Variants in MRPS7 observed in about 807,000 individuals in gnomAD.
MRPS7 encodes small ribosomal subunit protein uS7m.
MRPS7 carries 13 observed loss-of-function variants against 26.2 expected under a neutral mutation model. That is an observed-to-expected ratio of 0.50 (90% CI 0.32 to 0.79). The LOEUF (loss-of-function observed/expected upper bound fraction) is 0.79, where lower values mean the gene tolerates loss of function less well. MRPS7 is among the 30% of genes least tolerant of loss of function. The pLI is 0.03. For missense variants in MRPS7, 318 were observed against 312.2 expected (o/e 1.02, Z -0.14); for synonymous variants, 129 against 113.3 (o/e 1.14, Z -0.88).
rs2145629998 is a variant in MRPS7, at chr17:75,261,887, C to T, written c.-14C>T. 1 of 1,606,956 alleles carries T rather than the reference C, an allele frequency of 6.2e-7. No individual in the cohort carries two copies. The highest frequency in any genetic ancestry group is 8.5e-7 in the Non-Finnish European group (1 of 1,179,258). On this transcript the variant is annotated 5_prime_UTR_variant, in exon 1 of 5. Transcript: ENST00000245539. ...CCGAGGGCAGTCCTTGTGGGGTCCT[C>T]GTGGCCAGCCAAGATGGCTGCCCCC...
intron 4 of MRPS7, 133 bp from the exon 5 acceptor site, chr17:75,265,569 G>A (rs985587909): frequency 2.8e-6 from 2 of 722,266 alleles, no homozygotes; most frequent in African/African-American, 3.6e-5. Flanking sequence ...AGAAAAGACA[G>A]GCCCTTCTCC....
chr17:75,266,148 G>A lies in MRPS7; in HGVS notation c.*225G>A. ...TTGTAAAGAGGGAGCACATTGACTT[G>A]GGAATTTCCTCCAGGAAACTCAGGG... On this transcript the variant is annotated 3_prime_UTR_variant, in exon 5 of 5. Transcript: ENST00000245539. The A allele has an allele frequency of 1.8e-6, 1 of 567,188 alleles. No homozygotes were observed. Among genetic ancestry groups the A allele is most frequent in the Middle Eastern group, 4.7e-4 (1 of 2,108 alleles). The allele number at this position is 567,188 out of a possible 1,614,324, so 35.1% of individuals were successfully genotyped here. A position where few individuals can be genotyped will look rare whatever the true frequency, so the allele number is the denominator to read the frequency against.
chr17:75,262,013 G>T, intron 1 of MRPS7, 30 bp downstream of exon 1: 2 of 1,599,992 alleles, frequency 1.3e-6, no homozygotes, highest in Non-Finnish European at 1.7e-6. Flanking sequence ...CGGCGGGGGG[G>T]CGCTGCGAGG....
rs200580965 is a variant in MRPS7, at chr17:75,265,769, G to A, written c.575G>A (p.Arg192Gln). 2.8e-5 allele frequency: 45 copies of A among 1,614,154 alleles called. 1 individual carries two copies. The highest frequency in any genetic ancestry group is 6.7e-5 in the East Asian group (3 of 44,896). Residue 192 changes from arginine (R) to glutamine (Q), a missense_variant, in exon 5 of 5, where the codon CGG (arginine) becomes CAG (glutamine). Coordinates refer to ENST00000245539, the MANE Select transcript of MRPS7 (RefSeq NM_015971.4). ...LAMKWMITEC[R>Q]DKKHQRTLMP... is the part of the protein sequence containing the mutation. ...ATGAAGTGGATGATCACTGAGTGCCGGGATAAAAAGCACCAGCGGACACTG... is the reference window on the plus strand; with the variant it reads ...ATGAAGTGGATGATCACTGAGTGCCAGGATAAAAAGCACCAGCGGACACTG...
chr17:75,263,669 C>T, intron 4 of MRPS7, 162 bp downstream of exon 4: 1 of 935,200 alleles, frequency 1.1e-6, no homozygotes, highest in Non-Finnish European at 1.6e-6. Flanking sequence ...AGCTTGAGCT[C>T]AGGAGTTAAG....
chr17:75,263,722 A>C, intron 4 of MRPS7: 1 of 609,202 alleles, frequency 1.6e-6, no homozygotes. Flanking sequence ...CTACAAAAAA[A>C]ACAAAAAAAT....
At position 75,265,972 on chromosome 17, in the gene MRPS7, C is replaced by A; in HGVS notation, c.*49C>A. 6.4e-7 allele frequency: 1 copy of A among 1,558,078 alleles called. No individual in the cohort carries two copies. ...CCTCTGCCGCAAGAAACAGTGTGAGCTACTGCCACGCTGAAAACTACCTGT... is the reference window on the plus strand; with the variant it reads ...CCTCTGCCGCAAGAAACAGTGTGAGATACTGCCACGCTGAAAACTACCTGT... On this transcript the variant is annotated 3_prime_UTR_variant, in exon 5 of 5. Coordinates refer to ENST00000245539, the MANE Select transcript of MRPS7 (RefSeq NM_015971.4).
intron 1 of MRPS7, 186 bp from the exon 2 acceptor site, chr17:75,262,311 C>T (rs781171811): frequency 6.9e-6 from 5 of 728,856 alleles, no homozygotes; most frequent in Non-Finnish European, 1.1e-5. Context: ...GGAGACTTTA[C>T]CCGCCTGCTT....
At chr17:75,262,978 C>G in intron 3 of MRPS7, 111 bp downstream of exon 3, 1 of 1,067,806 alleles carries the variant, frequency 9.4e-7, no homozygotes, top group Non-Finnish European at 1.4e-6. Flanking sequence ...ATCTATTATT[C>G]AGATTAACTT....
chr17:75,262,967 T>C, intron 3 of MRPS7, 100 bp downstream of exon 3: 1 of 1,181,350 alleles, frequency 8.5e-7, no homozygotes, highest in East Asian at 2.5e-5. Flanking sequence ...TGGATTCATG[T>C]ATCTATTATT....
rs2077478799 is a variant in MRPS7, at chr17:75,266,145, C to T, written c.*222C>T. On this transcript the variant is annotated 3_prime_UTR_variant, in exon 5 of 5. Coordinates refer to ENST00000245539, the MANE Select transcript of MRPS7 (RefSeq NM_015971.4). ...TCCTTGTAAAGAGGGAGCACATTGA[C>T]TTGGGAATTTCCTCCAGGAAACTCA... 1.8e-6 allele frequency: 1 copy of T among 571,394 alleles called. No individual in the cohort carries two copies. Among genetic ancestry groups the T allele is most frequent in the South Asian group, 2.1e-5 (1 of 47,814 alleles). 35.4% of individuals were successfully genotyped at this position (571,394 alleles called of 1,614,324 possible).
At chr17:75,263,013 G>A (rs1014343899) in intron 3 of MRPS7, 146 bp downstream of exon 3, 5 of 776,310 alleles carry the variant, frequency 6.4e-6, no homozygotes, top group Non-Finnish European at 1.0e-5. Flanking sequence ...GGGCTTTAAT[G>A]AAGCCCTGTA....
intron 4 of MRPS7, chr17:75,264,129 A>G (rs2077450226): frequency 6.7e-6 from 1 of 149,876 alleles, no homozygotes; most frequent in Non-Finnish European, 1.5e-5. Context: ...AGCCGAGAGC[A>G]CACCACCGCA....
At chr17:75,265,170 C>G (rs1488767649) in intron 4 of MRPS7, among the ~76,000 whole-genome samples, 3 of 151,722 alleles carry the variant, frequency 2.0e-5, no homozygotes, top group Non-Finnish European at 4.4e-5. Flanking sequence ...TCCCAAGTAG[C>G]TGGGATTACA....
intron 4 of MRPS7, among the ~76,000 whole-genome samples, chr17:75,264,690 G>C (rs74322190): frequency 2.1e-5 from 2 of 96,464 alleles, no homozygotes; most frequent in African/African-American, 4.3e-5. Context: ...TTTTTTTTTT[G>C]AGATGGAGTT....
Position 75,262,544 on chromosome 17 carries a change from C to G in MRPS7, c.131C>G (p.Pro44Arg). 1 of 1,614,156 alleles carries G rather than the reference C, an allele frequency of 6.2e-7. No homozygotes were observed. Residue 44 changes from proline (P) to arginine (R), a missense_variant, in exon 2 of 5, where the codon CCC (proline) becomes CGC (arginine). By Grantham distance (103) the Pro-to-Arg change is moderately radical. Coordinates refer to ENST00000245539, the MANE Select transcript of MRPS7 (RefSeq NM_015971.4). The part of the protein sequence containing the change: ...WSRYSPEFKD[P>R]LIDKEYYRKP... Reference sequence around the variant, plus strand: ...CGCTATAGTCCTGAATTCAAGGATCCCTTGATTGACAAGGAATATTATCGC... The same window carrying G: ...CGCTATAGTCCTGAATTCAAGGATCGCTTGATTGACAAGGAATATTATCGC...
chr17:75,263,257 GGA>G, intron 3 of MRPS7, 81 bp from the exon 4 acceptor site: 1 of 1,536,492 alleles, frequency 6.5e-7, no homozygotes, highest in Admixed American at 1.8e-5. Context: ...CCAGAGGATG[GGA>G]GTAAAGGGCA....
intron 3 of MRPS7, 104 bp downstream of exon 3, chr17:75,262,971 T>C: frequency 1.7e-6 from 2 of 1,145,844 alleles, no homozygotes; most frequent in Non-Finnish European, 2.5e-6. Context: ...TTCATGTATC[T>C]ATTATTCAGA....
Position 75,261,937 on chromosome 17 carries a change from T to C in MRPS7, c.37T>C (p.Ser13Pro), listed in dbSNP as rs1406020989. 1 of 1,608,620 alleles carries C rather than the reference T, an allele frequency of 6.2e-7. No homozygotes were observed. Among genetic ancestry groups the C allele is most frequent in the East Asian group, 2.2e-5 (1 of 44,854 alleles). The change falls in exon 1 of 5, where the codon TCG becomes CCG. Residue 13 changes from serine to proline, a missense_variant. Physicochemically the swap from Ser to Pro is moderately conservative, Grantham distance 74. Transcript: ENST00000245539. ...CGCAGTGAAGGTTGCCCGAGGATGG[T>C]CGGGCCTGGCGTTGGGCGTGCGGCG... Reference protein sequence around the residue: ...APAVKVARGWSGLALGVRRAV... With the variant: ...APAVKVARGWPGLALGVRRAV...
Sources: allele counts gnomAD v4.1 joint callset (sites outside exome capture counted in the v4.1 genomes callset), GRCh38; gene constraint gnomAD v4.1.1; transcripts MANE v1.5; gene names NCBI Gene and HGNC (gene_info 2026-07-23, HGNC 2026-07-21).